C10orf90: variants seen among roughly 807,000 people sequenced by gnomAD.
C10orf90 encodes the protein chromosome 10 open reading frame 90.
In C10orf90, 56 loss-of-function variants were observed where a neutral mutation model predicts 62.5. The ratio of observed to expected loss-of-function variants is 0.90; its 90% confidence interval spans 0.72 to 1.12. The LOEUF is 1.12. Ranked by LOEUF, C10orf90 falls within the 50% of genes most tolerant of loss-of-function variation. The pLI, the probability that C10orf90 is intolerant of heterozygous loss-of-function variation, is 0.00. For synonymous variants in C10orf90, 386 were observed against 340.4 expected (o/e 1.13, Z -1.47); for missense variants, 970 against 880.4 (o/e 1.10, Z -1.29).
chr10:126,429,712 G>T, intron 8 of C10orf90, 75 bp downstream of exon 8: 2 of 1,213,070 alleles, frequency 1.6e-6, no homozygotes, highest in Non-Finnish European at 2.4e-6. Context: ...TGGTCCCATT[G>T]GAGGGCACCT....
chr10:126,514,867 G>T (rs750169020), intron 2 of C10orf90, among the ~76,000 whole-genome samples: 1 of 152,046 alleles, frequency 6.6e-6, no homozygotes, highest in African/African-American at 2.4e-5. Flanking sequence ...TGGTATGAGC[G>T]TGGAAGTAGG....
At chr10:126,613,794 C>T (rs189047785) in intron 2 of C10orf90, among the ~76,000 whole-genome samples, 1 of 152,304 alleles carries the variant, frequency 6.6e-6, no homozygotes, top group East Asian at 1.9e-4. Flanking sequence ...AAACCCTTCC[C>T]TCTGGATTTG....
intron 2 of C10orf90, among the ~76,000 whole-genome samples, chr10:126,640,331 G>C (rs913737238): frequency 6.6e-6 from 1 of 152,212 alleles, no homozygotes; most frequent in Non-Finnish European, 1.5e-5. Context: ...TCCCCATGGG[G>C]TTCTCAGCCA....
chr10:126,517,687 G>A (rs1273028335), intron 2 of C10orf90, among the ~76,000 whole-genome samples: 1 of 152,122 alleles, frequency 6.6e-6, no homozygotes, highest in Non-Finnish European at 1.5e-5. Flanking sequence ...CAAGGCAGGT[G>A]GATCATGAGG....
chr10:126,565,892 A>T (rs1172150975), intron 2 of C10orf90, among the ~76,000 whole-genome samples: 1 of 152,180 alleles, frequency 6.6e-6, no homozygotes, highest in East Asian at 1.9e-4. Flanking sequence ...ACCTAACAGC[A>T]TGTTACTGGC....
chr10:126,429,985 G>A (rs1857478280), intron 7 of C10orf90, 135 bp from the exon 8 acceptor site: 1 of 755,512 alleles, frequency 1.3e-6, no homozygotes. Flanking sequence ...GCAGAACTCA[G>A]TAGAGACTGA....
At chr10:126,667,112 G>T (rs1846645733) in intron 1 of C10orf90, among the ~76,000 whole-genome samples, 1 of 151,854 alleles carries the variant, frequency 6.6e-6, no homozygotes, top group African/African-American at 2.4e-5. Flanking sequence ...AGGCTGGAGT[G>T]CAGTGGCACA....
At chr10:126,440,517 G>C (rs60650240) in intron 7 of C10orf90, among the ~76,000 whole-genome samples, 2 of 152,020 alleles carry the variant, frequency 1.3e-5, no homozygotes, top group Non-Finnish European at 2.9e-5. Flanking sequence ...CCTACTGCCG[G>C]TTCCTCTCCA....
intron 2 of C10orf90, among the ~76,000 whole-genome samples, chr10:126,568,781 A>G (rs1271408607): frequency 1.3e-5 from 2 of 152,176 alleles, no homozygotes; most frequent in Non-Finnish European, 2.9e-5. Flanking sequence ...CACAGCTCAC[A>G]GTGCCATTTC....
In C10orf90 at chr10:126,603,195, G is replaced by C. The variant is rs573409448; in HGVS notation, c.313+43370C>G. On this transcript the variant is annotated intron_variant, in intron 2 of 9. Coordinates refer to ENST00000488181, the MANE Select transcript of C10orf90 (RefSeq NM_001350921.2). Reference sequence around the variant, plus strand: ...CACATCTGAGATGAGGTACTTTATAGTAAGAGGTTTAATTGACTCACAACC... The same window carrying C: ...CACATCTGAGATGAGGTACTTTATACTAAGAGGTTTAATTGACTCACAACC... Among the ~76,000 whole-genome samples, 302 of 152,282 alleles carry C rather than the reference G, an allele frequency of 2.0e-3. 4 individuals carry two copies. Among genetic ancestry groups the C allele is most frequent in the African/African-American group, 7.1e-3 (294 of 41,562 alleles).
intron 2 of C10orf90, chr10:126,524,635 G>T: frequency 1.4e-5 from 14 of 985,654 alleles, no homozygotes; most frequent in African/African-American, 1.7e-5. Flanking sequence ...GGGTCCAGAC[G>T]GCAAGGACAC....
At chr10:126,565,214 A>AAAT (rs1844329398) in intron 2 of C10orf90, among the ~76,000 whole-genome samples, 4 of 51,974 alleles carry the variant, frequency 7.7e-5, no homozygotes, top group East Asian at 1.4e-3. Flanking sequence ...TATGTAATAT[A>AAAT]ATTTTTATAT....
intron 1 of C10orf90, among the ~76,000 whole-genome samples, chr10:126,654,596 T>A (rs905626963): frequency 5.9e-5 from 9 of 152,220 alleles, no homozygotes; most frequent in African/African-American, 2.2e-4. Flanking sequence ...TACTTTCTTA[T>A]CATTCCTGTG....
chr10:126,619,462 C>T (rs1434728222), intron 2 of C10orf90, among the ~76,000 whole-genome samples: 2 of 152,186 alleles, frequency 1.3e-5, no homozygotes, highest in African/African-American at 2.4e-5. Context: ...TTGACAACGT[C>T]TACTTCATTT....
In C10orf90 at chr10:126,525,329, A is replaced by C. The variant is rs533233770; in HGVS notation, c.314-11390T>G. 1.2e-4 allele frequency among the ~76,000 whole-genome samples: 19 copies of C among 152,324 alleles called. 1 individual carries two copies. In the South Asian group the frequency reaches 3.9e-3, roughly 32 times the overall value. ...TGTCACCTCAGATTCTTTCGTTAAC[A>C]GACAGATTCATTATGTAAACAAGAC... On this transcript the variant is annotated intron_variant, in intron 2 of 9. Transcript: ENST00000488181.
intron 2 of C10orf90, among the ~76,000 whole-genome samples, chr10:126,580,239 C>G (rs1844717785): frequency 6.6e-6 from 1 of 152,216 alleles, no homozygotes; most frequent in East Asian, 1.9e-4. Context: ...CCCTGGCTGT[C>G]TCTCTTCTGA....
chr10:126,475,969 G>A (rs762057216), intron 4 of C10orf90, among the ~76,000 whole-genome samples: 1 of 152,114 alleles, frequency 6.6e-6, no homozygotes, highest in Non-Finnish European at 1.5e-5. Context: ...GTGGGCTGGG[G>A]CCAGGAAGCA....
chr10:126,632,696 C>A (rs1337149528), intron 2 of C10orf90, among the ~76,000 whole-genome samples: 1 of 152,102 alleles, frequency 6.6e-6, no homozygotes, highest in Non-Finnish European at 1.5e-5. Context: ...ACTTTTAGAT[C>A]TTTCCATCAA....
chr10:126,567,009 C>T (rs758102367), intron 2 of C10orf90, among the ~76,000 whole-genome samples: 1 of 152,118 alleles, frequency 6.6e-6, no homozygotes, highest in Non-Finnish European at 1.5e-5. Flanking sequence ...TATTACCCAC[C>T]AAAGGTGGCC....
Sources: allele counts gnomAD v4.1 joint callset (sites outside exome capture counted in the v4.1 genomes callset), GRCh38; gene constraint gnomAD v4.1.1; transcripts MANE v1.5; gene names NCBI Gene and HGNC (gene_info 2026-07-23, HGNC 2026-07-21).